Variants in CRTAM observed in about 807,000 individuals in gnomAD.
CRTAM encodes cytotoxic and regulatory T cell molecule.
A neutral mutation model predicts 50.0 loss-of-function variants in CRTAM; 44 were observed. The ratio of observed to expected loss-of-function variants is 0.88; its 90% CI spans 0.69 to 1.13. The LOEUF (loss-of-function observed/expected upper bound fraction) is 1.13, where lower values mean the gene tolerates loss of function less well. Ranked by LOEUF, CRTAM falls within the 50% of genes most tolerant of loss-of-function variation. The probability of loss-of-function intolerance (pLI) is 0.00; values close to 1 mark genes in which losing one functional copy is unlikely to be tolerated. For synonymous variants in CRTAM, 159 were observed against 169.3 expected, an observed-to-expected ratio of 0.94 and a Z score of 0.47; for missense variants, 448 against 457.5, an observed-to-expected ratio of 0.98 and a Z score of 0.19.
chr11:122,843,553 A>C (rs1173409201), intron 1 of CRTAM, among the ~76,000 whole-genome samples: 1 of 152,150 alleles, frequency 6.6e-6, no homozygotes, highest in East Asian at 1.9e-4. Flanking sequence ...AGGACTAGGA[A>C]GTAGGTGTAT....
chr11:122,852,579 T>C (rs555289450), intron 3 of CRTAM, among the ~76,000 whole-genome samples: 1 of 152,266 alleles, frequency 6.6e-6, no homozygotes, highest in South Asian at 2.1e-4. Flanking sequence ...GTGTGGTGCC[T>C]GCCATACGGT....
intron 9 of CRTAM, among the ~76,000 whole-genome samples, chr11:122,869,257 A>G (rs1862222373): frequency 6.6e-6 from 1 of 152,200 alleles, no homozygotes; most frequent in Non-Finnish European, 1.5e-5. Flanking sequence ...TCATAGAAGC[A>G]CGTCTTCCTC....
chr11:122,870,054 C>T (rs1170530546), intron 9 of CRTAM, among the ~76,000 whole-genome samples: 2 of 152,044 alleles, frequency 1.3e-5, no homozygotes, highest in Non-Finnish European at 2.9e-5. Context: ...AATGGAAGCC[C>T]TTCCAGTTCA....
At chr11:122,842,031 A>T (rs1478424104) in intron 1 of CRTAM, among the ~76,000 whole-genome samples, 1 of 152,214 alleles carries the variant, frequency 6.6e-6, no homozygotes, top group Non-Finnish European at 1.5e-5. Context: ...TGAGAAAGAC[A>T]TTCCAGGACA....
At chr11:122,840,460 G>T (rs868048287) in intron 1 of CRTAM, among the ~76,000 whole-genome samples, 3 of 152,160 alleles carry the variant, frequency 2.0e-5, no homozygotes, top group Middle Eastern at 6.8e-3. Flanking sequence ...GACAGAAAAT[G>T]TATTAATGTG....
intron 1 of CRTAM, among the ~76,000 whole-genome samples, chr11:122,839,225 C>T (rs2135224950): frequency 6.6e-6 from 1 of 152,358 alleles, no homozygotes; most frequent in East Asian, 1.9e-4. Context: ...AGCCACCGCG[C>T]CCGGCCTCCA....
chr11:122,864,159 C>T (rs1279948833), intron 6 of CRTAM, among the ~76,000 whole-genome samples: 3 of 152,152 alleles, frequency 2.0e-5, no homozygotes, highest in Non-Finnish European at 2.9e-5. Flanking sequence ...CTTGGAATGC[C>T]GTTCCTCGGT....
At chr11:122,855,571 G>A (rs1861994535) in intron 4 of CRTAM, 124 bp from the exon 5 acceptor site, 1 of 740,408 alleles carries the variant, frequency 1.4e-6, no homozygotes, top group Non-Finnish European at 2.2e-6. Flanking sequence ...CAAGGGAACT[G>A]GCTGAGGTTA....
chr11:122,853,804 A>T, intron 3 of CRTAM, 139 bp from the exon 4 acceptor site: 1 of 718,146 alleles, frequency 1.4e-6, no homozygotes, highest in Non-Finnish European at 2.0e-6. Flanking sequence ...GGCGACGGAG[A>T]CTAAGTCTAA....
chr11:122,860,569 T>A (rs188772130), intron 5 of CRTAM, among the ~76,000 whole-genome samples: 1 of 152,342 alleles, frequency 6.6e-6, no homozygotes, highest in East Asian at 1.9e-4. Flanking sequence ...ATACAGAGTC[T>A]AGTTTTAAAT....
chr11:122,851,550 C>A, intron 2 of CRTAM, 143 bp from the exon 3 acceptor site: 2 of 732,424 alleles, frequency 2.7e-6, no homozygotes, highest in East Asian at 2.6e-5. Context: ...CTTACCTTCC[C>A]GTGGAGATAG....
At chr11:122,840,159 A>G (rs17126900) in intron 1 of CRTAM, among the ~76,000 whole-genome samples, 5,379 of 152,264 alleles carry the variant, frequency 0.035, 330 homozygotes, top group African/African-American at 0.12. Flanking sequence ...AGCAAAAATT[A>G]TGTTTCAAGG....
chr11:122,849,697 G>A (rs1279268356), intron 1 of CRTAM, among the ~76,000 whole-genome samples: 1 of 152,052 alleles, frequency 6.6e-6, no homozygotes, highest in East Asian at 1.9e-4. Flanking sequence ...ACTTCAGCCT[G>A]GGCAACCAGA....
chr11:122,865,086 G>A (rs1862152059), intron 7 of CRTAM, among the ~76,000 whole-genome samples: 1 of 151,722 alleles, frequency 6.6e-6, no homozygotes, highest in African/African-American at 2.4e-5. Flanking sequence ...GCCCAGGCTG[G>A]AGTGCAGTGG....
At chr11:122,841,402 CTATT>C in intron 1 of CRTAM, among the ~76,000 whole-genome samples, 1 of 104,802 alleles carries the variant, frequency 9.5e-6, no homozygotes, top group East Asian at 2.1e-4. Context: ...TACTTTTACT[CTATT>C]TTTTTTTTTT....
intron 1 of CRTAM, among the ~76,000 whole-genome samples, chr11:122,848,867 A>G (rs1384795159): frequency 6.6e-6 from 1 of 152,252 alleles, no homozygotes. Flanking sequence ...CAAATAATTT[A>G]ATTTATAATA....
intron 6 of CRTAM, among the ~76,000 whole-genome samples, chr11:122,863,216 G>T (rs1862111353): frequency 8.1e-6 from 1 of 123,854 alleles, no homozygotes; most frequent in Admixed American, 8.9e-5. Context: ...CAGCTTCTCA[G>T]AAAATGAATT....
At chr11:122,852,116 C>T (rs766095219) in intron 3 of CRTAM, among the ~76,000 whole-genome samples, 38 of 152,150 alleles carry the variant, frequency 2.5e-4, no homozygotes, top group Non-Finnish European at 4.6e-4. Context: ...ATTTGATGAG[C>T]TGCGACTATG....
chr11:122,846,257 C>G (rs759013435), intron 1 of CRTAM, among the ~76,000 whole-genome samples: 3 of 152,090 alleles, frequency 2.0e-5, no homozygotes, highest in Non-Finnish European at 4.4e-5. Flanking sequence ...ATTTCAATAG[C>G]AAACAATTTA....
Sources: allele counts gnomAD v4.1 joint callset (sites outside exome capture counted in the v4.1 genomes callset), GRCh38; gene constraint gnomAD v4.1.1; transcripts MANE v1.5; gene names NCBI Gene and HGNC (gene_info 2026-07-23, HGNC 2026-07-21).